The following STING1 variants were observed in gnomAD, a reference collection of about 807,000 sequenced individuals.
STING1 encodes stimulator of interferon response cGAMP interactor 1.
In STING1, 19 loss-of-function variants were observed where a neutral mutation model predicts 31.6. That is an observed-to-expected ratio of 0.60 (90% CI 0.42 to 0.88). The LOEUF (loss-of-function observed/expected upper bound fraction) is 0.88, where lower values mean the gene tolerates loss of function less well. STING1 is among the 40% of genes least tolerant of loss of function. The pLI is 0.00. For synonymous variants in STING1, 200 were observed against 208.6 expected (o/e 0.96, Z 0.35); for missense variants, 371 against 483.7 (o/e 0.77, Z 2.19).
intron 7 of STING1, 42 bp downstream of exon 7, chr5:139,477,287 T>A: frequency 6.3e-7 from 1 of 1,598,900 alleles, no homozygotes; most frequent in Non-Finnish European, 8.5e-7. Flanking sequence ...TGACTCCTCC[T>A]GCCCTCCAGC....
intron 7 of STING1, among the ~76,000 whole-genome samples, chr5:139,477,107 A>G (rs1474722130): frequency 6.6e-6 from 1 of 152,028 alleles, no homozygotes; most frequent in Non-Finnish European, 1.5e-5. Flanking sequence ...AGATGAAGTG[A>G]GAGGCCCCTA....
chr5:139,482,630 C>T lies in STING1; in HGVS notation c.-174G>A, dbSNP rs535368857. 4.3e-4 allele frequency: 66 copies of T among 152,414 alleles called. No individual in the cohort carries two copies. The highest frequency in any genetic ancestry group is 1.6e-3 in the African/African-American group (65 of 41,570). 9.4% of individuals were successfully genotyped at this position (152,414 alleles called of 1,614,324 possible). On this transcript the variant is annotated 5_prime_UTR_variant, in exon 1 of 8. Coordinates refer to ENST00000330794, the MANE Select transcript of STING1 (RefSeq NM_198282.4). Reference sequence around the variant, plus strand: ...TGTACCTAACACCTGAGCAGGACTCCACACACTCAGCCAAAGGCAGCACAC... The same window carrying T: ...TGTACCTAACACCTGAGCAGGACTCTACACACTCAGCCAAAGGCAGCACAC...
intron 5 of STING1, among the ~76,000 whole-genome samples, chr5:139,479,870 A>AAAC (rs1408978054): frequency 6.8e-6 from 1 of 147,854 alleles, no homozygotes; most frequent in Non-Finnish European, 1.5e-5. Flanking sequence ...AAAAAAAAAA[A>AAAC]AAAAAAGCCA....
intron 7 of STING1, among the ~76,000 whole-genome samples, chr5:139,476,904 CAA>C (rs33961341): frequency 4.2e-5 from 5 of 118,392 alleles, no homozygotes; most frequent in Non-Finnish European, 5.0e-5. Context: ...GACTCCATCT[CAA>C]AAAAAAAAAA....
intron 5 of STING1, among the ~76,000 whole-genome samples, chr5:139,479,690 A>C (rs1213889456): frequency 1.4e-5 from 2 of 146,898 alleles, no homozygotes; most frequent in African/African-American, 5.1e-5. Flanking sequence ...TGAAAAAGTG[A>C]AACTCCATCT....
rs1326378158 is a variant in STING1, at chr5:139,480,835, G to A, written c.475C>T (p.Leu159=). The change falls in exon 5 of 8, where the codon CTG becomes TTG. Residue 159 remains leucine (L), a synonymous_variant. Coordinates refer to ENST00000330794, the MANE Select transcript of STING1 (RefSeq NM_198282.4). ...TATCCGATGTAATATGACCATGCCA[G>A]CCCATGGGCCACGTTGAAATTCCCT... ...EKGNFNVAHG[L]AWSYYIGYLR... 1 of 1,614,006 alleles carries A rather than the reference G, an allele frequency of 6.2e-7. No homozygotes were observed. The highest frequency in any genetic ancestry group is 8.5e-7 in the Non-Finnish European group (1 of 1,180,000).
In STING1 at chr5:139,477,666, A is replaced by G. The variant is rs1013422576; in HGVS notation, c.760-151T>C. 19 of 739,920 alleles carry G rather than the reference A, an allele frequency of 2.6e-5. No individual in the cohort carries two copies. The Admixed American group carries it at 3.2e-4, about 12-fold the overall frequency. 45.8% of individuals were successfully genotyped at this position (739,920 alleles called of 1,614,324 possible). A position where few individuals can be genotyped will look rare whatever the true frequency, so the allele number is the denominator to read the frequency against. ...AGAGTCCTGGGAGGTGGCCACCCTA[A>G]TGGGGTCTATGCTGTCTGGCCTGCC... On this transcript the variant is annotated intron_variant, in intron 6 of 7. Transcript: ENST00000330794.
intron 6 of STING1, among the ~76,000 whole-genome samples, chr5:139,477,977 A>G (rs964744651): frequency 2.0e-5 from 3 of 152,194 alleles, no homozygotes; most frequent in Non-Finnish European, 4.4e-5. Context: ...TCTGAGCCTC[A>G]GTGTCCTCCT....
chr5:139,477,665 A>C (rs1326008671), intron 6 of STING1, 150 bp from the exon 7 acceptor site: 1 of 755,576 alleles, frequency 1.3e-6, no homozygotes, highest in Non-Finnish European at 2.1e-6. Context: ...TGGCCACCCT[A>C]ATGGGGTCTA....
intron 7 of STING1, 45 bp from the exon 8 acceptor site, chr5:139,476,499 T>C (rs1390804386): frequency 1.9e-6 from 3 of 1,568,588 alleles, no homozygotes; most frequent in East Asian, 4.5e-5. Flanking sequence ...ATCTTACCCA[T>C]TCCCACTCAA....
chr5:139,478,381 G>A lies in STING1; in HGVS notation c.648C>T (p.Asp216=), dbSNP rs138719331. 7.4e-6 allele frequency: 12 copies of A among 1,614,068 alleles called. No individual in the cohort carries two copies. In the African/African-American group the frequency reaches 1.6e-4, roughly 22 times the overall value. ...GTTTATCCAGGAAGCGAATGTTGGG[G>A]TCAGCCATACTCAGGTTATCAGGCA... The part of the protein sequence containing the change: ...CGVPDNLSMA[D]PNIRFLDKLP... Residue 216 remains aspartate (D), a synonymous_variant, in exon 6 of 8, where the codon GAC becomes GAT. Coordinates refer to ENST00000330794, the MANE Select transcript of STING1 (RefSeq NM_198282.4).
In STING1 at chr5:139,475,616, G is replaced by A. The variant is rs1338325403; in HGVS notation, c.*645C>T. ...CGCAAGTGAGAGGGAGTACTCTAGT[G>A]GGGTGGGGGTGCCGATACACAGCTA... On this transcript the variant is annotated 3_prime_UTR_variant, in exon 8 of 8. Transcript: ENST00000330794. The A allele has an allele frequency of 6.6e-6, 1 of 152,286 alleles. No homozygotes were observed. Among genetic ancestry groups the A allele is most frequent in the Admixed American group, 6.5e-5 (1 of 15,280 alleles). 9.4% of individuals were successfully genotyped at this position (152,286 alleles called of 1,614,324 possible).
Position 139,481,149 on chromosome 5 carries a change from T to C in STING1, c.411+10A>G, listed in dbSNP as rs1352670441. 1 of 1,613,908 alleles carries C rather than the reference T, an allele frequency of 6.2e-7. No individual in the cohort carries two copies. Among genetic ancestry groups the C allele is most frequent in the Non-Finnish European group, 8.5e-7 (1 of 1,179,896 alleles). ...CTTGGCCAGAGCTTCTACCTCCCCC[T>C]GTGTCATACCTTGAGGCCCAGGAGG... On this transcript the variant is annotated intron_variant, in intron 4 of 7. Transcript: ENST00000330794. The surrounding 1 kb of genome is among the most constrained non-coding windows in gnomAD (Gnocchi z 4.1).
Position 139,476,036 on chromosome 5 carries a change from C to G in STING1, c.*225G>C. On this transcript the variant is annotated 3_prime_UTR_variant, in exon 8 of 8. Coordinates refer to ENST00000330794, the MANE Select transcript of STING1 (RefSeq NM_198282.4). The stretch of plus-strand genomic sequence containing the variant: ...CACAACAACCGTGAGGGAGGTAAGG[C>G]AGTGATTATGATCCCATTTCACAGG... The G allele has an allele frequency of 2.0e-6, 1 of 512,378 alleles. No homozygotes were observed. The highest frequency in any genetic ancestry group is 3.5e-6 in the Non-Finnish European group (1 of 285,246). The allele number at this position is 512,378 out of a possible 1,614,324, so 31.7% of individuals were successfully genotyped here.
In STING1 at chr5:139,476,181, TG is replaced by T; in HGVS notation, c.*79del. The T allele has an allele frequency of 8.6e-7, 1 of 1,166,690 alleles. No homozygotes were observed. The allele number at this position is 1,166,690 out of a possible 1,614,324, so 72.3% of individuals were successfully genotyped here. ...CCCCTGTGGAAGGAAATAGCTCTGC[TG>T]GACATTCAGCCACTGAAGAGAGCCC... On this transcript the variant is annotated 3_prime_UTR_variant, in exon 8 of 8. Transcript: ENST00000330794.
chr5:139,476,938 T>G (rs1751679008), intron 7 of STING1, among the ~76,000 whole-genome samples: 1 of 146,414 alleles, frequency 6.8e-6, no homozygotes, highest in African/African-American at 2.5e-5. Flanking sequence ...TCAGAGAGAA[T>G]GAAATTCCAC....
chr5:139,481,482 A>T lies in STING1; in HGVS notation c.223T>A (p.Ser75Thr). The change falls in exon 3 of 8, where the codon TCC (serine) becomes ACC (threonine). Residue 75 changes from serine (S) to threonine (T), a missense_variant. Ser to Thr is a moderately conservative substitution (Grantham distance 58). Coordinates refer to ENST00000330794, the MANE Select transcript of STING1 (RefSeq NM_198282.4). The surrounding 1 kb of genome is among the most constrained non-coding windows in gnomAD (Gnocchi z 4.1). Reference sequence around the variant, plus strand: ...CTGGGTACTGCAGTGAGTCACCTGGAGTGGATGTGGCGCAGCTCCTCAGCC... The same window carrying T: ...CTGGGTACTGCAGTGAGTCACCTGGTGTGGATGTGGCGCAGCTCCTCAGCC... ...SLAEELRHIH[S>T]RYRGSYWRTV... The T allele has an allele frequency of 6.2e-7, 1 of 1,613,630 alleles. No individual in the cohort carries two copies.
At chr5:139,480,644 C>T in intron 5 of STING1, 146 bp downstream of exon 5, 1 of 632,120 alleles carries the variant, frequency 1.6e-6, no homozygotes, top group Non-Finnish European at 2.9e-6. Flanking sequence ...TAGCAACATC[C>T]TTCATGCCTT....
In STING1 at chr5:139,482,718, T is replaced by C. The variant is rs1387403007; in HGVS notation, c.-262A>G. ...TGGTTTCCAGGATGCAGATTCTTTTTCTGAAAAGTGTGACCTAGGAGGGAG... is the reference window on the plus strand; with the variant it reads ...TGGTTTCCAGGATGCAGATTCTTTTCCTGAAAAGTGTGACCTAGGAGGGAG... On this transcript the variant is annotated 5_prime_UTR_variant, in exon 1 of 8. Coordinates refer to ENST00000330794, the MANE Select transcript of STING1 (RefSeq NM_198282.4). The C allele has an allele frequency of 1.3e-5, 2 of 152,226 alleles. No individual in the cohort carries two copies. Among genetic ancestry groups the C allele is most frequent in the Non-Finnish European group, 2.9e-5 (2 of 68,048 alleles). The allele number at this position is 152,226 out of a possible 1,614,324, so 9.4% of individuals were successfully genotyped here. A position where few individuals can be genotyped will look rare whatever the true frequency, so the allele number is the denominator to read the frequency against.
Sources: allele counts gnomAD v4.1 joint callset (sites outside exome capture counted in the v4.1 genomes callset), GRCh38; gene constraint gnomAD v4.1.1; non-coding constraint Gnocchi (gnomAD v3.1); transcripts MANE v1.5; gene names NCBI Gene and HGNC (gene_info 2026-07-23, HGNC 2026-07-21).